The following SNX25 variants were observed in gnomAD, a reference collection of about 807,000 sequenced individuals.
SNX25 encodes sorting nexin-25.
In SNX25, 62 loss-of-function variants were observed where a neutral mutation model predicts 113.7. That is an observed-to-expected ratio of 0.55 (90% CI 0.44 to 0.67). The LOEUF (loss-of-function observed/expected upper bound fraction) is 0.67, where lower values mean the gene tolerates loss of function less well. Ranked by LOEUF, SNX25 falls within the 30% of genes least tolerant of loss-of-function variation. The pLI is 0.00. For missense variants in SNX25, 1,014 were observed against 1,161.0 expected (o/e 0.87, Z 1.84); for synonymous variants, 421 against 436.2 (o/e 0.97, Z 0.43).
At chr4:185,378,637 A>G in the SNX25 span, 7 of 988,278 alleles carry the variant, frequency 7.1e-6, no homozygotes, top group African/African-American at 8.7e-5. Context: ...GCACTTGTCT[A>G]TTTTACCTGG....
At chr4:185,254,533 C>A (rs1746121728) in intron 2 of SNX25, among the ~76,000 whole-genome samples, 2 of 152,158 alleles carry the variant, frequency 1.3e-5, no homozygotes, top group South Asian at 4.1e-4. Context: ...AGCTCTCTTT[C>A]TTATACTGTT....
At chr4:185,303,830 G>A (rs1204506948) in intron 6 of SNX25, among the ~76,000 whole-genome samples, 2 of 152,132 alleles carry the variant, frequency 1.3e-5, no homozygotes, top group African/African-American at 4.8e-5. Context: ...CACTGAAGTG[G>A]AGTGACACGT....
chr4:185,248,438 G>T (rs900176089), intron 2 of SNX25, among the ~76,000 whole-genome samples: 2 of 151,966 alleles, frequency 1.3e-5, no homozygotes, highest in Non-Finnish European at 2.9e-5. Context: ...TGGGTGAATT[G>T]CTTGAGCCCA....
chr4:185,349,056 A>T (rs1271179531), intron 13 of SNX25, among the ~76,000 whole-genome samples: 2 of 152,144 alleles, frequency 1.3e-5, no homozygotes, highest in Non-Finnish European at 2.9e-5. Context: ...TTATGGCTGA[A>T]TAATATTCCA....
chr4:185,229,108 G>A (rs569628329), intron 1 of SNX25, among the ~76,000 whole-genome samples: 1 of 152,216 alleles, frequency 6.6e-6, no homozygotes, highest in South Asian at 2.1e-4. Flanking sequence ...CCCGCGGTGT[G>A]GTTGTGGAAT....
chr4:185,228,117 A>T (rs1357683310), intron 1 of SNX25, among the ~76,000 whole-genome samples: 1 of 152,084 alleles, frequency 6.6e-6, no homozygotes, highest in Non-Finnish European at 1.5e-5. Context: ...TGGGGGTGGG[A>T]CTGGAGAGGT....
chr4:185,236,063 C>G (rs963946602), intron 1 of SNX25, among the ~76,000 whole-genome samples: 4 of 152,178 alleles, frequency 2.6e-5, no homozygotes, highest in African/African-American at 9.7e-5. Context: ...GATCTAAGGT[C>G]GGTTTCCGGG....
intron 9 of SNX25, among the ~76,000 whole-genome samples, chr4:185,328,957 G>T (rs755876279): frequency 6.6e-6 from 1 of 152,102 alleles, no homozygotes; most frequent in Non-Finnish European, 1.5e-5. Context: ...TACGGAGGGG[G>T]TTCATCTGCA....
chr4:185,331,034 G>T (rs1284778555), intron 9 of SNX25, among the ~76,000 whole-genome samples: 1 of 152,188 alleles, frequency 6.6e-6, no homozygotes, highest in African/African-American at 2.4e-5. Flanking sequence ...GACATTTGAT[G>T]TGAGGTAACA....
At chr4:185,301,215 A>AGTTGTCTTC (rs1410867210) in intron 6 of SNX25, among the ~76,000 whole-genome samples, 1 of 149,476 alleles carries the variant, frequency 6.7e-6, no homozygotes, top group Non-Finnish European at 1.5e-5. Context: ...ATTTCAACAC[A>AGTTGTCTTC]GTTGTCTTCG....
chr4:185,342,111 A>G lies in SNX25; in HGVS notation c.2182A>G (p.Ser728Gly). The stretch of plus-strand genomic sequence containing the variant: ...GTTTCAGAATTTACACCGGAAACTC[A>G]GTGAGGTATGAATACTCATGAACGC... ...SEFQNLHRKL[S>G]ECVPSLKKVQ... The change falls in exon 12 of 19, where the codon AGT (serine) becomes GGT (glycine). Residue 728 changes from serine to glycine, a missense_variant. Physicochemically the swap from Ser to Gly is moderately conservative, Grantham distance 56. Coordinates refer to ENST00000652585, the MANE Select transcript of SNX25 (RefSeq NM_001378034.2). The G allele has an allele frequency of 6.3e-7, 1 of 1,597,440 alleles. No individual in the cohort carries two copies. Among genetic ancestry groups the G allele is most frequent in the Non-Finnish European group, 8.5e-7 (1 of 1,173,610 alleles).
chr4:185,212,432 C>T (rs190070369), intron 1 of SNX25, among the ~76,000 whole-genome samples: 7 of 148,574 alleles, frequency 4.7e-5, no homozygotes, highest in Admixed American at 4.0e-4. Context: ...TTACTCAAGC[C>T]TCTAGTGCTG....
At chr4:185,238,258 C>G (rs938230091) in intron 1 of SNX25, among the ~76,000 whole-genome samples, 7 of 151,800 alleles carry the variant, frequency 4.6e-5, no homozygotes, top group African/African-American at 1.5e-4. Context: ...CAAGGACCTA[C>G]CATTAGTAAA....
intron 3 of SNX25, among the ~76,000 whole-genome samples, chr4:185,261,017 G>A (rs1747228503): frequency 6.6e-6 from 1 of 151,908 alleles, no homozygotes. Flanking sequence ...GACAAATACT[G>A]TGAAAGACTT....
downstream of SNX25, chr4:185,366,004 T>C (rs2095386923): frequency 1.3e-5 from 2 of 152,206 alleles, no homozygotes; most frequent in Admixed American, 1.3e-4. Context: ...CATTTTCCCA[T>C]TACTAAAAAG....
intron 6 of SNX25, among the ~76,000 whole-genome samples, chr4:185,306,998 G>A (rs1414146625): frequency 6.6e-6 from 1 of 152,180 alleles, no homozygotes; most frequent in Non-Finnish European, 1.5e-5. Flanking sequence ...AATGAAAATG[G>A]GATGAAAAGA....
At chr4:185,318,071 T>A (rs1460055525) in intron 7 of SNX25, among the ~76,000 whole-genome samples, 1 of 152,198 alleles carries the variant, frequency 6.6e-6, no homozygotes, top group Non-Finnish European at 1.5e-5. Flanking sequence ...GCCTGCCCCC[T>A]TCTGCCCACA....
chr4:185,357,778 C>T (rs560181068), intron 16 of SNX25, 41 bp downstream of exon 16: 15 of 1,529,900 alleles, frequency 9.8e-6, no homozygotes, highest in Non-Finnish European at 1.4e-5. Flanking sequence ...ATGCCCTACT[C>T]TTTTGCCTTG....
At chr4:185,266,856 TGTTTGAC>T (rs1748169924) in intron 4 of SNX25, 106 bp from the exon 5 acceptor site, 9 of 322,458 alleles carry the variant, frequency 2.8e-5, no homozygotes, top group Non-Finnish European at 4.3e-5. Flanking sequence ...GATATTCCCC[TGTTTGAC>T]TACTTGAAAA....
Sources: allele counts gnomAD v4.1 joint callset (sites outside exome capture counted in the v4.1 genomes callset), GRCh38; gene constraint gnomAD v4.1.1; transcripts MANE v1.5; gene names NCBI Gene and HGNC (gene_info 2026-07-23, HGNC 2026-07-21).